Variants in USH2A observed in about 807,000 individuals in gnomAD.
USH2A encodes the protein usherin.
Under a neutral mutation model 538.9 loss-of-function variants are expected in USH2A, and 443 were observed. That is an observed-to-expected ratio of 0.82 (90% CI 0.76 to 0.89). The LOEUF (loss-of-function observed/expected upper bound fraction) is 0.89, where lower values mean the gene tolerates loss of function less well. Ranked by LOEUF, USH2A falls within the 40% of genes least tolerant of loss-of-function variation. USH2A has a pLI of 0.00. For synonymous variants in USH2A, 2,413 were observed against 2,273.5 expected, an observed-to-expected ratio of 1.06 and a Z score of -1.75; for missense variants, 6,633 against 6,324.8, an observed-to-expected ratio of 1.05 and a Z score of -1.65.
chr1:215,973,869 CTT>C (rs1667554783), intron 35 of USH2A, among the ~76,000 whole-genome samples: 1 of 151,296 alleles, frequency 6.6e-6, no homozygotes, highest in Non-Finnish European at 1.5e-5. Flanking sequence ...TGCTCAAAAA[CTT>C]TTTAGTATCC....
intron 30 of USH2A, among the ~76,000 whole-genome samples, chr1:216,049,836 C>T (rs112792384): frequency 9.9e-5 from 15 of 152,122 alleles, no homozygotes; most frequent in African/African-American, 1.7e-4. Flanking sequence ...ATTCCAGCAA[C>T]GACCCAGGCA....
intron 45 of USH2A, among the ~76,000 whole-genome samples, chr1:215,845,372 C>T (rs1344402148): frequency 1.3e-5 from 2 of 152,128 alleles, no homozygotes; most frequent in Non-Finnish European, 2.9e-5. Context: ...CTTGCTTCCT[C>T]CCCCTTGCTA....
At chr1:215,627,441 C>CT (rs1656086198) in intron 71 of USH2A, among the ~76,000 whole-genome samples, 13 of 55,102 alleles carry the variant, frequency 2.4e-4, no homozygotes, top group Admixed American at 8.0e-4. Flanking sequence ...TCCTTCCTTC[C>CT]TTCCTTCCTT....
chr1:216,130,882 A>T (rs1301419530), intron 21 of USH2A, among the ~76,000 whole-genome samples: 1 of 151,922 alleles, frequency 6.6e-6, no homozygotes, highest in Non-Finnish European at 1.5e-5. Flanking sequence ...AGGAATCTCC[A>T]CACTGTTTTC....
intron 39 of USH2A, 62 bp downstream of exon 39, chr1:215,900,693 C>T: frequency 6.2e-7 from 1 of 1,610,522 alleles, no homozygotes; most frequent in Non-Finnish European, 8.5e-7. Context: ...ACCTACTCTT[C>T]AAAAATGTTA....
intron 35 of USH2A, among the ~76,000 whole-genome samples, chr1:215,977,188 G>T (rs1248730453): frequency 1.3e-5 from 2 of 151,898 alleles, no homozygotes; most frequent in Non-Finnish European, 2.9e-5. Flanking sequence ...ACAGACCAAT[G>T]TCAAGTTCGA....
chr1:216,293,512 T>C (rs1364499270), intron 9 of USH2A, among the ~76,000 whole-genome samples: 1 of 152,230 alleles, frequency 6.6e-6, no homozygotes, highest in African/African-American at 2.4e-5. Flanking sequence ...CTCACTTATG[T>C]TAAGTTCACC....
At chr1:216,243,336 T>C (rs1180026016) in intron 13 of USH2A, among the ~76,000 whole-genome samples, 1 of 152,198 alleles carries the variant, frequency 6.6e-6, no homozygotes, top group Non-Finnish European at 1.5e-5. Context: ...CTCATGGTCA[T>C]TAAAAGCATC....
chr1:216,212,683 TTGTG>T (rs10654206), intron 15 of USH2A, among the ~76,000 whole-genome samples: 1 of 147,460 alleles, frequency 6.8e-6, no homozygotes, highest in Non-Finnish European at 1.5e-5. Flanking sequence ...GTGTGTGTGT[TTGTG>T]TGTGTGTGTG....
At chr1:215,785,424 CT>C (rs1661771078) in intron 52 of USH2A, among the ~76,000 whole-genome samples, 1 of 152,282 alleles carries the variant, frequency 6.6e-6, no homozygotes, top group East Asian at 1.9e-4. Context: ...GAATATGTTT[CT>C]TTCTCATGGC....
intron 9 of USH2A, among the ~76,000 whole-genome samples, chr1:216,297,601 T>C (rs2037132375): frequency 6.6e-6 from 1 of 152,120 alleles, no homozygotes; most frequent in Non-Finnish European, 1.5e-5. Flanking sequence ...ATCTCAAGTT[T>C]GACCAGCACC....
At chr1:216,193,126 T>C (rs1329698068) in intron 19 of USH2A, among the ~76,000 whole-genome samples, 5 of 152,046 alleles carry the variant, frequency 3.3e-5, no homozygotes, top group Admixed American at 6.6e-5. Context: ...AAATCAAAAC[T>C]GTGTTTTACA....
At position 216,414,848 on chromosome 1, in the gene USH2A, T is replaced by A. The variant is rs114986465; in HGVS notation, c.651+3666A>T. Among the ~76,000 whole-genome samples the A allele has an allele frequency of 5.2e-3, 788 of 152,238 alleles. 4 individuals carry two copies. The highest frequency in any genetic ancestry group is 0.018 in the African/African-American group (763 of 41,554). On this transcript the variant is annotated intron_variant, in intron 3 of 71. Coordinates refer to ENST00000307340, the MANE Select transcript of USH2A (RefSeq NM_206933.4). ...TTTGAAACTTGACTAAACAAGATTA[T>A]TAATCATTTGTTCTGTCCTATGCCC...
At chr1:215,855,030 T>G (rs1229640237) in intron 44 of USH2A, among the ~76,000 whole-genome samples, 3 of 152,194 alleles carry the variant, frequency 2.0e-5, no homozygotes, top group Admixed American at 2.0e-4. Context: ...GCTGCTGCTC[T>G]CCATTAAAAG....
chr1:215,802,972 G>A (rs1662383326), intron 49 of USH2A, among the ~76,000 whole-genome samples: 1 of 151,688 alleles, frequency 6.6e-6, no homozygotes, highest in South Asian at 2.1e-4. Context: ...CAACATGAAT[G>A]GGAACATACA....
At chr1:216,055,730 G>A (rs556997131) in intron 30 of USH2A, among the ~76,000 whole-genome samples, 1 of 152,152 alleles carries the variant, frequency 6.6e-6, no homozygotes, top group East Asian at 1.9e-4. Context: ...TGTTGTTTTT[G>A]GATAATATTT....
At chr1:215,746,186 T>C (rs1285477566) in intron 58 of USH2A, among the ~76,000 whole-genome samples, 1 of 152,198 alleles carries the variant, frequency 6.6e-6, no homozygotes, top group Non-Finnish European at 1.5e-5. Flanking sequence ...TTATGGGTAC[T>C]CTGGATTTTT....
chr1:215,694,808 A>G (rs1486766328), intron 61 of USH2A, among the ~76,000 whole-genome samples: 4 of 152,238 alleles, frequency 2.6e-5, no homozygotes, highest in Non-Finnish European at 5.9e-5. Flanking sequence ...GGGCAACTGC[A>G]TTCAGTCCAG....
At chr1:215,866,894 C>T (rs1664483214) in intron 44 of USH2A, 113 bp downstream of exon 44, 4 of 1,457,088 alleles carry the variant, frequency 2.7e-6, no homozygotes, top group Middle Eastern at 1.7e-4. Flanking sequence ...AAAAATTTAC[C>T]AGTAACACTT....
Sources: allele counts gnomAD v4.1 joint callset (sites outside exome capture counted in the v4.1 genomes callset), GRCh38; gene constraint gnomAD v4.1.1; transcripts MANE v1.5; gene names NCBI Gene and HGNC (gene_info 2026-07-23, HGNC 2026-07-21).